The following GJB7 variants were observed in gnomAD, a reference collection of about 807,000 sequenced individuals.
GJB7 encodes gap junction beta-7 protein.
For synonymous variants in GJB7, 87 were observed against 95.2 expected, an observed-to-expected ratio of 0.91 and a Z score of 0.50; for missense variants, 253 against 256.8, an observed-to-expected ratio of 0.99 and a Z score of 0.10.
At chr6:87,319,444 A>G (rs1228310011) in intron 2 of GJB7, among the ~76,000 whole-genome samples, 2 of 152,212 alleles carry the variant, frequency 1.3e-5, no homozygotes, top group Non-Finnish European at 2.9e-5. Flanking sequence ...CAGTAAAAGT[A>G]CTTTGTTTCC....
At chr6:87,285,874 T>G (rs1199659064) in intron 2 of GJB7, among the ~76,000 whole-genome samples, 1 of 152,230 alleles carries the variant, frequency 6.6e-6, no homozygotes, top group Non-Finnish European at 1.5e-5. Context: ...TACTTAACGT[T>G]TATGCTAAAG....
At chr6:87,306,164 A>T (rs1158288720) in intron 2 of GJB7, among the ~76,000 whole-genome samples, 1 of 152,118 alleles carries the variant, frequency 6.6e-6, no homozygotes, top group African/African-American at 2.4e-5. Context: ...AACAAAAGCC[A>T]AAATTGACAA....
intron 2 of GJB7, among the ~76,000 whole-genome samples, chr6:87,313,032 C>T (rs1776533273): frequency 1.3e-5 from 2 of 152,332 alleles, no homozygotes; most frequent in African/African-American, 4.8e-5. Context: ...TTTTAAACAA[C>T]TTCTATCATT....
At chr6:87,301,045 G>C (rs1051559410) in intron 2 of GJB7, among the ~76,000 whole-genome samples, 1 of 152,214 alleles carries the variant, frequency 6.6e-6, no homozygotes, top group African/African-American at 2.4e-5. Flanking sequence ...ATCAATTAGA[G>C]GGGCGGTTCC....
rs1386231025 is a variant in GJB7 at position 87,284,952 on chromosome 6, A to G, written c.-27-13T>C. On this transcript the variant is annotated splice_polypyrimidine_tract_variant and intron_variant, in intron 2 of 2. Coordinates refer to ENST00000525899, the MANE Select transcript of GJB7 (RefSeq NM_198568.3). ...AGAAGGCAAGACTCTGCAAAATAAG[A>G]CAATTTCATCAGGATCCATTTATTT... 1 of 1,470,728 alleles carries G rather than the reference A, an allele frequency of 6.8e-7. No homozygotes were observed. Among genetic ancestry groups the G allele is most frequent in the Non-Finnish European group, 9.4e-7 (1 of 1,068,172 alleles). The allele number at this position is 1,470,728 out of a possible 1,614,324, so 91.1% of individuals were successfully genotyped here.
Position 87,284,951 on chromosome 6 carries a change from GAC to G in GJB7, c.-27-14_-27-13del, listed in dbSNP as rs1246721217. 6.8e-7 allele frequency: 1 copy of G among 1,480,336 alleles called. No homozygotes were observed. The highest frequency in any genetic ancestry group is 9.3e-7 in the Non-Finnish European group (1 of 1,076,430). 91.7% of individuals were successfully genotyped at this position (1,480,336 alleles called of 1,614,324 possible). A position where few individuals can be genotyped will look rare whatever the true frequency, so the allele number is the denominator to read the frequency against. On this transcript the variant is annotated splice_polypyrimidine_tract_variant and intron_variant, in intron 2 of 2. Coordinates refer to ENST00000525899, the MANE Select transcript of GJB7 (RefSeq NM_198568.3). ...AAGAAGGCAAGACTCTGCAAAATAA[GAC>G]AATTTCATCAGGATCCATTTATTTC... is the stretch of plus-strand genomic sequence containing the variant.
Position 87,284,917 on chromosome 6 carries a change from T to C in GJB7, c.-5A>G, listed in dbSNP as rs1776035232. ...TCTGAGGAACATCCAACTCATGACT[T>C]AGGCTCAAAAGAAGGCAAGACTCTG... is the stretch of plus-strand genomic sequence containing the variant. On this transcript the variant is annotated 5_prime_UTR_variant, in exon 3 of 3. Coordinates refer to ENST00000525899, the MANE Select transcript of GJB7 (RefSeq NM_198568.3). 2 of 1,606,288 alleles carry C rather than the reference T, an allele frequency of 1.2e-6. No homozygotes were observed. The highest frequency in any genetic ancestry group is 1.7e-6 in the Non-Finnish European group (2 of 1,174,196).
intron 2 of GJB7, among the ~76,000 whole-genome samples, chr6:87,315,500 A>G (rs1203162): frequency 0.59 from 89,224 of 151,940 alleles, 26,528 homozygotes; most frequent in Non-Finnish European, 0.62. Flanking sequence ...TATTTAAGAA[A>G]CAGAATAGAG....
At chr6:87,299,126 GC>G in intron 2 of GJB7, 1 of 477,326 alleles carries the variant, frequency 2.1e-6, no homozygotes, top group Non-Finnish European at 4.2e-6. Flanking sequence ...ATGCTCTTTT[GC>G]CAAGAAAGGC....
intron 2 of GJB7, among the ~76,000 whole-genome samples, chr6:87,289,019 G>A (rs1190250913): frequency 1.3e-5 from 2 of 152,134 alleles, no homozygotes; most frequent in African/African-American, 4.8e-5. Context: ...GGGGAAAAAA[G>A]GCCAAACACT....
chr6:87,317,379 C>T (rs573257244), intron 2 of GJB7, among the ~76,000 whole-genome samples: 1 of 151,554 alleles, frequency 6.6e-6, no homozygotes, highest in Admixed American at 6.6e-5. Flanking sequence ...AACAAACAAA[C>T]AACAAGAAAT....
intron 2 of GJB7, among the ~76,000 whole-genome samples, chr6:87,305,416 C>G (rs1776408623): frequency 6.6e-6 from 1 of 152,138 alleles, no homozygotes; most frequent in Non-Finnish European, 1.5e-5. Context: ...TGAGTGAATT[C>G]CCATTCACAA....
intron 2 of GJB7, among the ~76,000 whole-genome samples, chr6:87,322,052 G>A (rs760570879): frequency 9.2e-5 from 14 of 152,138 alleles, no homozygotes; most frequent in Non-Finnish European, 2.1e-4. Context: ...CAGTTTTCAC[G>A]TGTATCCCAA....
At chr6:87,313,900 A>ATCC (rs908040965) in intron 2 of GJB7, among the ~76,000 whole-genome samples, 13 of 152,186 alleles carry the variant, frequency 8.5e-5, no homozygotes, top group Admixed American at 7.2e-4. Flanking sequence ...TTTTAACAAG[A>ATCC]TCCTCCAGGT....
chr6:87,302,105 C>T (rs1040373106), intron 2 of GJB7, among the ~76,000 whole-genome samples: 1 of 152,136 alleles, frequency 6.6e-6, no homozygotes, highest in African/African-American at 2.4e-5. Context: ...AGAGAAAATT[C>T]TAAAAATCAG....
At chr6:87,316,432 T>A (rs1458423714) in intron 2 of GJB7, among the ~76,000 whole-genome samples, 1 of 152,176 alleles carries the variant, frequency 6.6e-6, no homozygotes, top group Admixed American at 6.5e-5. Context: ...AGGGCTGAGC[T>A]ATGGGAGTGA....
chr6:87,314,644 C>A (rs2127908892), intron 2 of GJB7, among the ~76,000 whole-genome samples: 1 of 152,298 alleles, frequency 6.6e-6, no homozygotes, highest in East Asian at 1.9e-4. Context: ...TCATTCTGGG[C>A]AAGTGGCCCC....
Position 87,284,294 on chromosome 6 carries a change from TA to T in GJB7, c.618del (p.Phe206LeufsTer10). On this transcript the variant is annotated frameshift_variant, in exon 3 of 3. Transcript: ENST00000525899. LOFTEE classifies it high-confidence loss of function. ...AAATATTTTTGGAGACAGCACTTAA[TA>T]AAGCACTTGAGAACCAAAAAACTCA... is the stretch of plus-strand genomic sequence containing the variant. ...IELSFLVLKC[F>X]IKCCLQKYLK... 1.2e-6 allele frequency: 2 copies of T among 1,614,032 alleles called. No individual in the cohort carries two copies. The highest frequency in any genetic ancestry group is 1.7e-6 in the Non-Finnish European group (2 of 1,179,962).
intron 2 of GJB7, among the ~76,000 whole-genome samples, chr6:87,295,642 G>C (rs372883441): frequency 6.6e-6 from 1 of 152,142 alleles, no homozygotes; most frequent in African/African-American, 2.4e-5. Context: ...AAATGAAAAT[G>C]TGAGTCTTGA....
Sources: gnomAD v4.1 joint callset for allele counts (sites outside exome capture counted in the v4.1 genomes callset) on GRCh38, gnomAD v4.1.1 for gene constraint, MANE v1.5 for transcripts, NCBI Gene and HGNC (gene_info 2026-07-23, HGNC 2026-07-21) for gene names.